The following SAMD3 variants were observed in gnomAD, a reference collection of about 807,000 sequenced individuals.
The protein encoded by SAMD3 is sterile alpha motif domain-containing protein 3.
Under a neutral mutation model 58.5 loss-of-function variants are expected in SAMD3, and 63 were observed. The observed-to-expected ratio is 1.08, with a 90% confidence interval of 0.88 to 1.33. The LOEUF (loss-of-function observed/expected upper bound fraction) is 1.33. Ranked by LOEUF, SAMD3 falls within the 40% of genes most tolerant of loss-of-function variation. The pLI, the probability that SAMD3 is intolerant of heterozygous loss-of-function variation, is 0.00. For synonymous variants in SAMD3, 220 were observed against 210.3 expected (o/e 1.05, Z -0.40); for missense variants, 604 against 608.4 (o/e 0.99, Z 0.08).
At chr6:130,216,060 T>G in intron 2 of SAMD3, 1 of 381,098 alleles carries the variant, frequency 2.6e-6, no homozygotes, top group Non-Finnish European at 4.7e-6. Flanking sequence ...GGAAAGTAAT[T>G]ATTTATGTTA....
chr6:130,199,212 A>G (rs577704063), intron 5 of SAMD3, among the ~76,000 whole-genome samples: 2 of 152,222 alleles, frequency 1.3e-5, no homozygotes, highest in Non-Finnish European at 2.9e-5. Flanking sequence ...AGTGACAACT[A>G]TGCTGCTTTC....
At chr6:130,199,601 G>A (rs1794452170) in intron 5 of SAMD3, among the ~76,000 whole-genome samples, 1 of 152,164 alleles carries the variant, frequency 6.6e-6, no homozygotes, top group Non-Finnish European at 1.5e-5. Context: ...CCAGTAACCT[G>A]GGAATTACCT....
intron 5 of SAMD3, among the ~76,000 whole-genome samples, chr6:130,198,984 A>C (rs927961487): frequency 2.6e-5 from 4 of 152,198 alleles, no homozygotes; most frequent in Non-Finnish European, 4.4e-5. Flanking sequence ...ACCTTTCTCC[A>C]AGGGCACCCA....
At chr6:130,220,665 T>C (rs1796182417) in intron 1 of SAMD3, among the ~76,000 whole-genome samples, 2 of 152,220 alleles carry the variant, frequency 1.3e-5, no homozygotes, top group Admixed American at 1.3e-4. Flanking sequence ...TATGTTTTAC[T>C]TACTATGAGG....
intron 1 of SAMD3, chr6:130,221,394 A>C (rs1796219385): frequency 6.6e-6 from 1 of 152,548 alleles, no homozygotes; most frequent in Non-Finnish European, 1.5e-5. Flanking sequence ...CTTGAACGAC[A>C]CAGGGGTTGG....
chr6:130,197,644 C>T (rs1794265470), intron 5 of SAMD3, among the ~76,000 whole-genome samples: 1 of 152,132 alleles, frequency 6.6e-6, no homozygotes, highest in Non-Finnish European at 1.5e-5. Context: ...ACCACAAAAT[C>T]TCCCTTCAGA....
chr6:130,165,690 GA>G (rs1364186877), intron 8 of SAMD3, among the ~76,000 whole-genome samples: 1 of 151,828 alleles, frequency 6.6e-6, no homozygotes, highest in Admixed American at 6.6e-5. Context: ...TTCATGGCCA[GA>G]AAGTTTATGA....
intron 2 of SAMD3, among the ~76,000 whole-genome samples, chr6:130,243,528 T>C (rs1773436014): frequency 6.6e-6 from 1 of 152,198 alleles, no homozygotes. Flanking sequence ...CCTTACAAGA[T>C]AAGTAGCATT....
At chr6:130,311,851 G>A (rs1166917639) in intron 2 of SAMD3, among the ~76,000 whole-genome samples, 1 of 152,118 alleles carries the variant, frequency 6.6e-6, no homozygotes, top group African/African-American at 2.4e-5. Context: ...CAGGATCCAA[G>A]GACTGAGTGA....
intron 2 of SAMD3, among the ~76,000 whole-genome samples, chr6:130,305,370 TA>T (rs1308418950): frequency 5.9e-5 from 9 of 152,234 alleles, no homozygotes; most frequent in African/African-American, 2.2e-4. Context: ...AGAATTATAG[TA>T]TTTGTTCTCA....
chr6:130,174,974 T>C (rs992568055), intron 8 of SAMD3, among the ~76,000 whole-genome samples: 3 of 152,360 alleles, frequency 2.0e-5, no homozygotes, highest in Non-Finnish European at 2.9e-5. Flanking sequence ...GGTGACTCAA[T>C]GCTTTGCCCT....
intron 2 of SAMD3, among the ~76,000 whole-genome samples, chr6:130,308,379 TA>T (rs367672843): frequency 1.4e-4 from 19 of 132,910 alleles, no homozygotes; most frequent in African/African-American, 5.6e-4. Flanking sequence ...TATTCTATTC[TA>T]TTCTATTCTA....
At chr6:130,316,966 C>G (rs1271818877) in intron 1 of SAMD3, among the ~76,000 whole-genome samples, 2 of 152,124 alleles carry the variant, frequency 1.3e-5, no homozygotes, top group African/African-American at 2.4e-5. Flanking sequence ...GGTTGGTTAA[C>G]AGCTCTGGTT....
rs567518025 is a variant in SAMD3 at position 130,229,638 on chromosome 6, T to A, written c.-187-6825A>T. The stretch of plus-strand genomic sequence containing the variant: ...GAATTAGGTGCACCATAACATCATG[T>A]TATGCTTCCATTATGGCATTTGTCA... On this transcript the variant is annotated intron_variant, in intron 2 of 13. Transcript: ENST00000368134. 1.0e-3 allele frequency among the ~76,000 whole-genome samples: 156 copies of A among 152,334 alleles called. 1 individual carries two copies. Among genetic ancestry groups the A allele is most frequent in the Non-Finnish European group, 1.7e-3 (114 of 68,020 alleles).
rs1791682596 is a variant in SAMD3, at chr6:130,175,937, C to T, written c.726G>A (p.Val242=). ...VRRPIEDDEQ[V]IRNKCKFGHR... ...GTCCAAATTTACACTTATTTCTAATCACTTGCTCATCATCTTCTATGGGTC... is the reference window on the plus strand; with the variant it reads ...GTCCAAATTTACACTTATTTCTAATTACTTGCTCATCATCTTCTATGGGTC... The change falls in exon 8 of 12, where the codon GTG becomes GTA. Residue 242 remains valine, a synonymous_variant. Transcript: ENST00000439090. 2 of 1,613,124 alleles carry T rather than the reference C, an allele frequency of 1.2e-6. No homozygotes were observed. Among genetic ancestry groups the T allele is most frequent in the Middle Eastern group, 1.6e-4 (1 of 6,078 alleles).
At chr6:130,194,971 A>G (rs1485355833) in intron 5 of SAMD3, among the ~76,000 whole-genome samples, 1 of 152,262 alleles carries the variant, frequency 6.6e-6, no homozygotes, top group Admixed American at 6.5e-5. Flanking sequence ...CCTTGCCTCC[A>G]TAACTGTTGT....
intron 2 of SAMD3, among the ~76,000 whole-genome samples, chr6:130,312,566 G>A (rs1471467211): frequency 1.3e-5 from 2 of 152,278 alleles, no homozygotes; most frequent in East Asian, 1.9e-4. Flanking sequence ...CTGGAACTCA[G>A]CATCAAGTTA....
At chr6:130,215,633 C>T in intron 2 of SAMD3, 1 of 1,387,412 alleles carries the variant, frequency 7.2e-7, no homozygotes, top group Non-Finnish European at 9.3e-7. Context: ...ACCCAGGTTT[C>T]TTCACAAAGA....
chr6:130,311,814 C>T (rs189517648), intron 2 of SAMD3, among the ~76,000 whole-genome samples: 1 of 152,246 alleles, frequency 6.6e-6, no homozygotes, highest in Admixed American at 6.5e-5. Context: ...CACACAGGGT[C>T]TCTGTTTGGG....
Sources: gnomAD v4.1 joint callset for allele counts (sites outside exome capture counted in the v4.1 genomes callset) on GRCh38, gnomAD v4.1.1 for gene constraint, MANE v1.5 for transcripts, NCBI Gene and HGNC (gene_info 2026-07-23, HGNC 2026-07-21) for gene names.